The following ABCB1 variants were observed in gnomAD, a reference collection of about 807,000 sequenced individuals.
ABCB1 encodes the protein ATP-dependent translocase ABCB1.
A neutral mutation model predicts 142.0 loss-of-function variants in ABCB1; 69 were observed. That is an observed-to-expected ratio of 0.49 (90% CI 0.40 to 0.59). The LOEUF is 0.59. Among genes scored for constraint, ABCB1 ranks in the 20% least tolerant of loss-of-function variants. The pLI is 0.00. For synonymous variants in ABCB1, 532 were observed against 539.2 expected (o/e 0.99, Z 0.18); for missense variants, 1,326 against 1,554.7 (o/e 0.85, Z 2.47).
chr7:87,507,995 AGG>A (rs11304553), intron 26 of ABCB1, among the ~76,000 whole-genome samples: 1 of 151,414 alleles, frequency 6.6e-6, no homozygotes, highest in Non-Finnish European at 1.5e-5. Flanking sequence ...TAGGGAGGGA[AGG>A]GGGGTAAGTG....
chr7:87,639,651 C>G (rs1228538534), intron 1 of ABCB1, among the ~76,000 whole-genome samples: 2 of 152,100 alleles, frequency 1.3e-5, no homozygotes, highest in African/African-American at 4.8e-5. Flanking sequence ...CTCATTATCT[C>G]TAATAATGCT....
At chr7:87,599,275 A>C (rs1348460979) in intron 2 of ABCB1, among the ~76,000 whole-genome samples, 1 of 152,198 alleles carries the variant, frequency 6.6e-6, no homozygotes, top group Non-Finnish European at 1.5e-5. Context: ...AAGGCAGAGC[A>C]CCATGATCAA....
At chr7:87,603,725 C>G (rs1002940521), upstream of ABCB1, among the ~76,000 whole-genome samples, 1 of 152,162 alleles carries the variant, frequency 6.6e-6, no homozygotes, top group Non-Finnish European at 1.5e-5. Flanking sequence ...TTCTTTAGTA[C>G]CTGGCTGCAT....
At chr7:87,563,236 AAAG>A (rs930421783) in intron 7 of ABCB1, 1 of 271,286 alleles carries the variant, frequency 3.7e-6, no homozygotes, top group African/African-American at 2.3e-5. Context: ...CCAAATGTAA[AAAG>A]AAGAGCTGAT....
intron 4 of ABCB1, among the ~76,000 whole-genome samples, chr7:87,582,012 T>C (rs1435395076): frequency 1.3e-5 from 2 of 152,184 alleles, no homozygotes; most frequent in African/African-American, 4.8e-5. Context: ...TTGATGCTAT[T>C]CCCTGCTTTC....
intron 1 of ABCB1, among the ~76,000 whole-genome samples, chr7:87,612,850 G>T (rs1313222863): frequency 1.3e-5 from 2 of 152,044 alleles, no homozygotes; most frequent in Non-Finnish European, 2.9e-5. Context: ...ATTACTTTGG[G>T]CAGTGTGGTC....
At chr7:87,603,407 A>T (rs1819535531), upstream of ABCB1, among the ~76,000 whole-genome samples, 9 of 152,212 alleles carry the variant, frequency 5.9e-5, no homozygotes, top group Admixed American at 5.9e-4. Flanking sequence ...CCTACACTGT[A>T]GTACATTATC....
intron 14 of ABCB1, 143 bp from the exon 15 acceptor site, chr7:87,546,167 T>G: frequency 1.4e-6 from 1 of 733,424 alleles, no homozygotes; most frequent in African/African-American, 1.8e-5. Flanking sequence ...CTTCAATAAA[T>G]GTATAGACAA....
At position 87,521,699 on chromosome 7, in the gene ABCB1, T is replaced by C. The variant is rs1253471360; in HGVS notation, c.2686-823A>G. ...GCCATGAATGCAAGGCCATACAAGG[T>C]GGATGGAAGAGTTGTGGAACCAAAG... On this transcript the variant is annotated intron_variant, in intron 21 of 27. Coordinates refer to ENST00000622132, the MANE Select transcript of ABCB1 (RefSeq NM_001348946.2). The C allele has an allele frequency of 1.1e-5, 11 of 962,212 alleles. No individual in the cohort carries two copies. In the Admixed American group the frequency reaches 1.2e-4, roughly 10 times the overall value. The allele number at this position is 962,212 out of a possible 1,614,324, so 59.6% of individuals were successfully genotyped here. A position where few individuals can be genotyped will look rare whatever the true frequency, so the allele number is the denominator to read the frequency against.
At chr7:87,623,750 T>A (rs1335022013) in intron 1 of ABCB1, among the ~76,000 whole-genome samples, 1 of 151,724 alleles carries the variant, frequency 6.6e-6, no homozygotes, top group Non-Finnish European at 1.5e-5. Context: ...CTTCTGATAG[T>A]TTTTTTTTCT....
rs1298586570 is a variant in ABCB1, at chr7:87,544,178, T to C, written c.2162A>G (p.Asn721Ser). Reference sequence around the variant, plus strand: ...TGCAAATGCTGGTTGCAGGCCTCCATTTATAATGGCACAAAATACACCAAC... The same window carrying C: ...TGCAAATGCTGGTTGCAGGCCTCCACTTATAATGGCACAAAATACACCAAC... ...FVVGVFCAII[N>S]GGLQPAFAII... The change falls in exon 17 of 28, where the codon AAT becomes AGT. Residue 721 changes from asparagine (N) to serine (S), a missense_variant. By Grantham distance (46) the Asn-to-Ser change is conservative. Coordinates refer to ENST00000622132, the MANE Select transcript of ABCB1 (RefSeq NM_001348946.2). 3 of 1,613,898 alleles carry C rather than the reference T, an allele frequency of 1.9e-6. No homozygotes were observed. The African/African-American group carries it at 4.0e-5, about 22-fold the overall frequency.
chr7:87,690,037 C>T (rs901934050), intron 1 of ABCB1, among the ~76,000 whole-genome samples: 1 of 151,550 alleles, frequency 6.6e-6, no homozygotes, highest in Non-Finnish European at 1.5e-5. Flanking sequence ...ACTGTGTTGC[C>T]CAGTCTGATC....
In ABCB1 at chr7:87,600,861, G is replaced by A. The variant is rs1280997502; in HGVS notation, c.-113C>T. The A allele has an allele frequency of 6.6e-6, 1 of 152,388 alleles. No individual in the cohort carries two copies. Among genetic ancestry groups the A allele is most frequent in the Non-Finnish European group, 1.5e-5 (1 of 68,260 alleles). The allele number at this position is 152,388 out of a possible 1,614,324, so 9.4% of individuals were successfully genotyped here. On this transcript the variant is annotated 5_prime_UTR_variant, in exon 1 of 28. Coordinates refer to ENST00000622132, the MANE Select transcript of ABCB1 (RefSeq NM_001348946.2). ...CGAACAGCGGCCTCTGCTTCTTTGA[G>A]CTTGGAAGAGCCGCTACTCGAATGA...
At position 87,566,999 on chromosome 7, in the gene ABCB1, C is replaced by A. The variant is rs765260714; in HGVS notation, c.339-23G>T. The A allele has an allele frequency of 3.1e-6, 5 of 1,606,694 alleles. No individual in the cohort carries two copies. In the Admixed American group the frequency reaches 6.7e-5, roughly 21 times the overall value. On this transcript the variant is annotated intron_variant, in intron 5 of 27. Transcript: ENST00000622132. ...TACCTGAAAAACAACAAGAACACTG[C>A]ACATGCTCTCTGTTTCCTAATCAAT...
At position 87,553,867 on chromosome 7, in the gene ABCB1, G is replaced by A. The variant is rs770289036; in HGVS notation, c.893C>T (p.Ser298Phe). The part of the protein sequence containing the change: ...GIKKAITANI[S>F]IGAAFLLIYA... ...GATCAGCAGGAAAGCAGCACCTATAGAAATATTGGCTGTAATAGCTTTCTT... is the reference window on the plus strand; with the variant it reads ...GATCAGCAGGAAAGCAGCACCTATAAAAATATTGGCTGTAATAGCTTTCTT... Residue 298 changes from serine (S) to phenylalanine (F), a missense_variant, in exon 9 of 28, where the codon TCT (serine) becomes TTT (phenylalanine). Physicochemically the swap from Ser to Phe is radical, Grantham distance 155. Coordinates refer to ENST00000622132, the MANE Select transcript of ABCB1 (RefSeq NM_001348946.2). 1 of 1,613,940 alleles carries A rather than the reference G, an allele frequency of 6.2e-7. No homozygotes were observed. Among genetic ancestry groups the A allele is most frequent in the Non-Finnish European group, 8.5e-7 (1 of 1,179,958 alleles).
chr7:87,532,505 C>T (rs527395719), intron 20 of ABCB1, among the ~76,000 whole-genome samples: 7 of 152,170 alleles, frequency 4.6e-5, no homozygotes, highest in Admixed American at 2.0e-4. Context: ...GCTCATTATA[C>T]GCTAATTATA....
At chr7:87,523,712 C>T (rs2117107447) in intron 21 of ABCB1, among the ~76,000 whole-genome samples, 1 of 152,242 alleles carries the variant, frequency 6.6e-6, no homozygotes, top group East Asian at 1.9e-4. Flanking sequence ...CCTTCATCAC[C>T]TCTGGAGTCT....
In ABCB1 at chr7:87,531,416, A is replaced by T; in HGVS notation, c.2563T>A (p.Trp855Arg). The T allele has an allele frequency of 6.2e-7, 1 of 1,613,556 alleles. No homozygotes were observed. Among genetic ancestry groups the T allele is most frequent in the Non-Finnish European group, 8.5e-7 (1 of 1,179,708 alleles). The change falls in exon 21 of 28, where the codon TGG becomes AGG. Residue 855 changes from tryptophan (W) to arginine (R), a missense_variant. Trp to Arg is a moderately radical substitution (Grantham distance 101). Coordinates refer to ENST00000622132, the MANE Select transcript of ABCB1 (RefSeq NM_001348946.2). ...GCTAAGAGTAACAGTGTTAGTTGCC[A>T]ACCATAGATGAAGGATATAATTATT... Reference protein sequence around the residue: ...TGIIISFIYGWQLTLLLLAIV... With the variant: ...TGIIISFIYGRQLTLLLLAIV...
intron 1 of ABCB1, chr7:87,629,244 G>A (rs1049515585): frequency 6.5e-6 from 2 of 309,806 alleles, no homozygotes; most frequent in Admixed American, 1.0e-4. Flanking sequence ...TGAAAGAGGA[G>A]GGCAAGGAAG....
Sources: gnomAD v4.1 joint callset for allele counts (sites outside exome capture counted in the v4.1 genomes callset) on GRCh38, gnomAD v4.1.1 for gene constraint, MANE v1.5 for transcripts, NCBI Gene and HGNC (gene_info 2026-07-23, HGNC 2026-07-21) for gene names.